The following WNT9B variants were observed in gnomAD, a reference collection of about 807,000 sequenced individuals.
WNT9B encodes protein Wnt-9b.
In WNT9B, 12 loss-of-function variants were observed where a neutral mutation model predicts 30.2. The ratio of observed to expected loss-of-function variants is 0.40; its 90% CI spans 0.26 to 0.64. WNT9B has a LOEUF of 0.64. Among genes scored for constraint, WNT9B ranks in the 30% least tolerant of loss-of-function variants. The probability of loss-of-function intolerance (pLI) is 0.42; values close to 1 mark genes in which losing one functional copy is unlikely to be tolerated. For synonymous variants in WNT9B, 218 were observed against 216.9 expected (o/e 1.01, Z -0.05); for missense variants, 442 against 485.2 (o/e 0.91, Z 0.84).
chr17:46,859,046 G>A (rs961472313), intron 1 of WNT9B, among the ~76,000 whole-genome samples: 7 of 146,290 alleles, frequency 4.8e-5, no homozygotes, highest in African/African-American at 1.0e-4. Context: ...GCATGATCTC[G>A]GCTCACTGCA....
At chr17:46,841,558 G>T (rs1321734228) in intron 1 of WNT9B, among the ~76,000 whole-genome samples, 3 of 152,252 alleles carry the variant, frequency 2.0e-5, no homozygotes, top group African/African-American at 7.2e-5. Flanking sequence ...GGGTTAAGGT[G>T]GGGGCGTGGG....
chr17:46,871,676 G>A (rs557210226), intron 1 of WNT9B, among the ~76,000 whole-genome samples: 1 of 152,324 alleles, frequency 6.6e-6, no homozygotes, highest in African/African-American at 2.4e-5. Flanking sequence ...AAACCAAGGT[G>A]TCAAGATTGC....
At chr17:46,872,908 T>TG (rs1162615766) in intron 2 of WNT9B, 135 bp downstream of exon 2, 1 of 1,117,570 alleles carries the variant, frequency 8.9e-7, no homozygotes, top group African/African-American at 1.6e-5. Flanking sequence ...CCTAGCACGG[T>TG]CCCAAATGAG....
At chr17:46,869,313 T>C (rs541348262) in intron 1 of WNT9B, among the ~76,000 whole-genome samples, 1 of 152,292 alleles carries the variant, frequency 6.6e-6, no homozygotes, top group Non-Finnish European at 1.5e-5. Context: ...GGCCTGAGGA[T>C]TTGCATTCCA....
At chr17:46,841,309 A>G (rs929195603) in intron 1 of WNT9B, among the ~76,000 whole-genome samples, 2 of 152,212 alleles carry the variant, frequency 1.3e-5, no homozygotes, top group African/African-American at 4.8e-5. Flanking sequence ...GCTAGGAAGG[A>G]AAGCCAGAAG....
chr17:46,839,940 CTTTCT>C (rs1397847321), intron 1 of WNT9B, among the ~76,000 whole-genome samples: 5 of 148,120 alleles, frequency 3.4e-5, no homozygotes, highest in African/African-American at 1.2e-4. Context: ...TTCTTTCTTT[CTTTCT>C]TTCTTTCTTT....
At chr17:46,872,290 A>T (rs2085257945) in intron 1 of WNT9B, among the ~76,000 whole-genome samples, 1 of 152,220 alleles carries the variant, frequency 6.6e-6, no homozygotes, top group Non-Finnish European at 1.5e-5. Context: ...TAGGGTGGAT[A>T]AGAAGAGCAG....
At chr17:46,873,741 C>T (rs917688883) in intron 2 of WNT9B, among the ~76,000 whole-genome samples, 1 of 150,922 alleles carries the variant, frequency 6.6e-6, no homozygotes, top group African/African-American at 2.5e-5. Flanking sequence ...GTTGCCATGG[C>T]TCACACCTGT....
At chr17:46,839,942 TTCTTTC>T (rs1356143430) in intron 1 of WNT9B, among the ~76,000 whole-genome samples, 5 of 149,638 alleles carry the variant, frequency 3.3e-5, no homozygotes, top group South Asian at 2.1e-4. Context: ...CTTTCTTTCT[TTCTTTC>T]TTTCTTTCTT....
At chr17:46,837,578 G>A (rs574104310) in intron 1 of WNT9B, among the ~76,000 whole-genome samples, 3 of 152,196 alleles carry the variant, frequency 2.0e-5, no homozygotes, top group Non-Finnish European at 2.9e-5. Context: ...TGTGTGACCT[G>A]TCCGAGGTCA....
chr17:46,841,947 C>T (rs1229965309), intron 1 of WNT9B, among the ~76,000 whole-genome samples: 1 of 152,230 alleles, frequency 6.6e-6, no homozygotes, highest in Non-Finnish European at 1.5e-5. Flanking sequence ...CGCCGAGCGT[C>T]CTCCAGCGTC....
At chr17:46,851,173 C>T (rs1253763834), upstream of WNT9B, among the ~76,000 whole-genome samples, 4 of 152,016 alleles carry the variant, frequency 2.6e-5, no homozygotes, top group Admixed American at 6.5e-5. The surrounding 1 kb of genome is among the most constrained non-coding windows in gnomAD (Gnocchi z 4.3). Flanking sequence ...GGGTTTTCCA[C>T]CGACTCCAGA....
At chr17:46,861,673 A>T (rs778826986) in intron 1 of WNT9B, among the ~76,000 whole-genome samples, 2 of 152,136 alleles carry the variant, frequency 1.3e-5, no homozygotes, top group Admixed American at 6.5e-5. Context: ...TCTACACCCA[A>T]GCCCCTCATT....
chr17:46,876,675 A>G lies in WNT9B; in HGVS notation c.1031A>G (p.Gln344Arg). The change falls in exon 4 of 4, where the codon CAG (glutamine) becomes CGG (arginine). Residue 344 changes from glutamine to arginine, a missense_variant. Physicochemically the swap from Gln to Arg is conservative, Grantham distance 43. Transcript: ENST00000290015. The stretch of plus-strand genomic sequence containing the variant: ...CAGTGGTGCTGCTACGTGGAGTGCC[A>G]GCAATGTGTGCAGGAGGAGCTTGTG... ...QVQWCCYVEC[Q>R]QCVQEELVYT... is the part of the protein sequence containing the mutation. 6.3e-7 allele frequency: 1 copy of G among 1,590,654 alleles called. No homozygotes were observed. The highest frequency in any genetic ancestry group is 1.7e-4 in the Middle Eastern group (1 of 5,954).
intron 1 of WNT9B, among the ~76,000 whole-genome samples, chr17:46,845,207 G>A (rs559054142): frequency 1.3e-4 from 20 of 152,242 alleles, no homozygotes; most frequent in African/African-American, 4.8e-4. Context: ...ATGCCTTTCT[G>A]TTGTAAAACA....
chr17:46,870,275 G>A (rs1214758111), intron 1 of WNT9B, among the ~76,000 whole-genome samples: 1 of 152,174 alleles, frequency 6.6e-6, no homozygotes, highest in East Asian at 1.9e-4. Flanking sequence ...TTGAGGGCAA[G>A]GTAGCTGCAG....
intron 1 of WNT9B, among the ~76,000 whole-genome samples, chr17:46,857,823 G>C (rs1447932222): frequency 6.6e-6 from 1 of 152,202 alleles, no homozygotes; most frequent in Non-Finnish European, 1.5e-5. Context: ...TTGATGAATG[G>C]TGTGTTGAAC....
chr17:46,846,217 T>C (rs748852858), intron 1 of WNT9B, among the ~76,000 whole-genome samples: 58 of 152,238 alleles, frequency 3.8e-4, no homozygotes, highest in Admixed American at 3.8e-3. Flanking sequence ...GCTCATCCTG[T>C]CTCTCATGAA....
chr17:46,855,253 C>T (rs562489732), intron 1 of WNT9B, among the ~76,000 whole-genome samples: 70 of 152,298 alleles, frequency 4.6e-4, no homozygotes, highest in Non-Finnish European at 2.9e-5. Flanking sequence ...GCCTCCCTTC[C>T]CTGCTTAATT....
Sources: allele counts gnomAD v4.1 joint callset (sites outside exome capture counted in the v4.1 genomes callset), GRCh38; gene constraint gnomAD v4.1.1; non-coding constraint Gnocchi (gnomAD v3.1); transcripts MANE v1.5; gene names NCBI Gene and HGNC (gene_info 2026-07-23, HGNC 2026-07-21).